The following TYW1B variants were observed in gnomAD, a reference collection of about 807,000 sequenced individuals.
TYW1B encodes S-adenosyl-L-methionine-dependent tRNA 4-demethylwyosine synthase TYW1B.
A neutral mutation model predicts 86.9 loss-of-function variants in TYW1B; 73 were observed. The ratio of observed to expected loss-of-function variants is 0.84; its 90% CI spans 0.70 to 1.02. The LOEUF is 1.02. Among genes scored for constraint, TYW1B ranks in the 50% least tolerant of loss-of-function variants. The pLI is 0.00. For missense variants in TYW1B, 637 were observed against 827.4 expected (o/e 0.77, Z 2.82); for synonymous variants, 248 against 292.8 (o/e 0.85, Z 1.56).
intron 13 of TYW1B, among the ~76,000 whole-genome samples, chr7:72,582,295 G>A (rs1409791644): frequency 3.3e-5 from 5 of 152,220 alleles, no homozygotes; most frequent in East Asian, 1.9e-4. Flanking sequence ...ACATTATAGC[G>A]AAATTTCAAA....
At chr7:72,707,204 A>G (rs1554453818) in intron 10 of TYW1B, among the ~76,000 whole-genome samples, 1 of 152,254 alleles carries the variant, frequency 6.6e-6, no homozygotes, top group Non-Finnish European at 1.5e-5. Flanking sequence ...AGCAAAGGTG[A>G]TACAAGCAAA....
intron 13 of TYW1B, among the ~76,000 whole-genome samples, chr7:72,581,879 T>G (rs1232973299): frequency 6.6e-6 from 1 of 152,062 alleles, no homozygotes; most frequent in Non-Finnish European, 1.5e-5. Flanking sequence ...GAGATTCTCC[T>G]GCCTCAGCCT....
intron 11 of TYW1B, among the ~76,000 whole-genome samples, chr7:72,636,135 T>C (rs1812662689): frequency 6.6e-6 from 1 of 152,236 alleles, no homozygotes; most frequent in African/African-American, 2.4e-5. Flanking sequence ...GTTTTCAATA[T>C]AAAGGTCAAA....
chr7:72,642,948 G>A (rs1554441661), intron 11 of TYW1B, among the ~76,000 whole-genome samples: 2 of 152,050 alleles, frequency 1.3e-5, no homozygotes, highest in Non-Finnish European at 2.9e-5. Context: ...GCGCTAACTT[G>A]GAAAACATTA....
chr7:72,822,559 G>A (rs1554480659), intron 2 of TYW1B, among the ~76,000 whole-genome samples: 1 of 152,194 alleles, frequency 6.6e-6, no homozygotes, highest in East Asian at 1.9e-4. Flanking sequence ...CATGCTGGAA[G>A]ACAATGAAGC....
chr7:72,732,570 G>C (rs1272986079), intron 8 of TYW1B, among the ~76,000 whole-genome samples: 1 of 152,080 alleles, frequency 6.6e-6, no homozygotes, highest in East Asian at 1.9e-4. Flanking sequence ...TGAAACAAAT[G>C]AAAGTAGAAG....
chr7:72,637,693 A>T (rs73702991), intron 11 of TYW1B, among the ~76,000 whole-genome samples: 3,298 of 145,356 alleles, frequency 0.023, 111 homozygotes, highest in African/African-American at 0.077. Flanking sequence ...TTTCTTTTTA[A>T]AAAAAAAAAA....
chr7:72,665,852 C>G lies in TYW1B; in HGVS notation c.1506+28835G>C, dbSNP rs184274909. Among the ~76,000 whole-genome samples, 7 of 152,176 alleles carry G rather than the reference C, an allele frequency of 4.6e-5. No individual in the cohort carries two copies. The East Asian group carries it at 1.4e-3, about 29-fold the overall frequency. Reference sequence around the variant, plus strand: ...GTTGAGTGAATGAATACAGTTTGGACAGTTCAGATCTTTTTAACATTTGTT... The same window carrying G: ...GTTGAGTGAATGAATACAGTTTGGAGAGTTCAGATCTTTTTAACATTTGTT... On this transcript the variant is annotated intron_variant, in intron 11 of 13. Transcript: ENST00000620995.
At chr7:72,723,226 CCT>C in intron 9 of TYW1B, 1 of 358,324 alleles carries the variant, frequency 2.8e-6, no homozygotes, top group Non-Finnish European at 5.1e-6. Flanking sequence ...CCCCTGGTCC[CCT>C]GTCCCTGGGG....
At chr7:72,616,610 GAA>G in intron 13 of TYW1B, 60 bp downstream of exon 13, 1 of 1,612,506 alleles carries the variant, frequency 6.2e-7, no homozygotes, top group South Asian at 1.1e-5. Flanking sequence ...AATAAAGAGA[GAA>G]GAGAAGGAAA....
chr7:72,742,802 A>G (rs533627497), intron 8 of TYW1B, among the ~76,000 whole-genome samples: 3 of 151,648 alleles, frequency 2.0e-5, no homozygotes, highest in East Asian at 1.9e-4. Context: ...TAATAACTGG[A>G]AAAAAAAAGA....
At position 72,807,242 on chromosome 7, in the gene TYW1B, A is replaced by G; in HGVS notation, c.547T>C (p.Phe183Leu). 1.2e-6 allele frequency: 2 copies of G among 1,614,170 alleles called. No homozygotes were observed. The highest frequency in any genetic ancestry group is 1.7e-6 in the Non-Finnish European group (2 of 1,180,038). ...KSKHGSIEAN[F>L]RAWKTKFISQ... ...ATGAACTTGGTCTTCCATGCTCTGAAGTTGGCCTCAATGCTGCCGTGCTTG... is the reference window on the plus strand; with the variant it reads ...ATGAACTTGGTCTTCCATGCTCTGAGGTTGGCCTCAATGCTGCCGTGCTTG... Residue 183 changes from phenylalanine to leucine, a missense_variant, in exon 5 of 14, where the codon TTC becomes CTC. Physicochemically the swap from Phe to Leu is conservative, Grantham distance 22 (BLOSUM62 0). Transcript: ENST00000620995.
At chr7:72,810,016 A>C (rs1467587157) in intron 4 of TYW1B, among the ~76,000 whole-genome samples, 54 of 150,198 alleles carry the variant, frequency 3.6e-4, no homozygotes, top group African/African-American at 1.3e-3. Flanking sequence ...AAAAAAAAAA[A>C]CACAGAAGAG....
chr7:72,664,968 G>A (rs575325816), intron 11 of TYW1B, among the ~76,000 whole-genome samples: 129 of 152,170 alleles, frequency 8.5e-4, no homozygotes, highest in Non-Finnish European at 1.6e-3. Context: ...CAATGTAAAC[G>A]CTAGGTAGTC....
At chr7:72,578,771 G>A (rs1231074923) in intron 13 of TYW1B, among the ~76,000 whole-genome samples, 2 of 152,194 alleles carry the variant, frequency 1.3e-5, no homozygotes, top group Non-Finnish European at 2.9e-5. Context: ...TATGTACAAG[G>A]CACTTGGGGA....
At chr7:72,755,886 A>G (rs1787577874) in intron 7 of TYW1B, among the ~76,000 whole-genome samples, 1 of 152,218 alleles carries the variant, frequency 6.6e-6, no homozygotes, top group East Asian at 1.9e-4. Flanking sequence ...ATTAGGAAGG[A>G]CCACCAAGGT....
rs754323800 is a variant in TYW1B, at chr7:72,826,967, C to T, written c.23G>A (p.Trp8Ter). Reference sequence around the variant, plus strand: ...TGATATTAAAGGTGAGGAGAGGTCCCATGTATCCGCAGAAGGATCTAAATT... The same window carrying T: ...TGATATTAAAGGTGAGGAGAGGTCCTATGTATCCGCAGAAGGATCTAAATT... MDPSADT[W>*]DLSSPLISLW... is the part of the protein sequence containing the mutation. The change falls in exon 2 of 14, where the codon TGG becomes TAG. Residue 8 changes from tryptophan to a stop codon, truncating the protein, a stop_gained. Transcript: ENST00000620995. LOFTEE classifies it high-confidence loss of function. 6 of 1,610,574 alleles carry T rather than the reference C, an allele frequency of 3.7e-6. No homozygotes were observed. Among genetic ancestry groups the T allele is most frequent in the Non-Finnish European group, 5.1e-6 (6 of 1,179,036 alleles).
chr7:72,627,178 A>G (rs1281570244), intron 12 of TYW1B, among the ~76,000 whole-genome samples: 6 of 152,058 alleles, frequency 3.9e-5, no homozygotes, highest in Non-Finnish European at 8.8e-5. Context: ...CCGGCGCGGT[A>G]GTTCTAACCC....
intron 7 of TYW1B, among the ~76,000 whole-genome samples, chr7:72,747,479 A>G (rs1406192670): frequency 6.6e-6 from 1 of 152,204 alleles, no homozygotes; most frequent in Non-Finnish European, 1.5e-5. Flanking sequence ...TGTAAAAAAA[A>G]CAGTTAAACA....
Sources: gnomAD v4.1 joint callset for allele counts (sites outside exome capture counted in the v4.1 genomes callset) on GRCh38, gnomAD v4.1.1 for gene constraint, MANE v1.5 for transcripts, NCBI Gene and HGNC (gene_info 2026-07-23, HGNC 2026-07-21) for gene names.